Variants in OSBPL10 observed in about 807,000 individuals in gnomAD.
The protein encoded by OSBPL10 is oxysterol binding protein like 10, also known as oxysterol-binding protein-related protein 10.
Under a neutral mutation model 81.7 loss-of-function variants are expected in OSBPL10, and 49 were observed. The ratio of observed to expected loss-of-function variants is 0.60; its 90% confidence interval spans 0.48 to 0.76. The LOEUF is 0.76. Ranked by LOEUF, OSBPL10 falls within the 30% of genes least tolerant of loss-of-function variation. The pLI is 0.00. For missense variants in OSBPL10, 923 were observed against 987.8 expected (o/e 0.93, Z 0.88); for synonymous variants, 419 against 383.6 (o/e 1.09, Z -1.08).
At chr3:31,801,358 G>C (rs1448423072) in intron 4 of OSBPL10, among the ~76,000 whole-genome samples, 1 of 152,136 alleles carries the variant, frequency 6.6e-6, no homozygotes, top group Non-Finnish European at 1.5e-5. Context: ...TGACTAGACG[G>C]GAAAAGTCTC....
intron 4 of OSBPL10, among the ~76,000 whole-genome samples, chr3:31,808,049 T>C (rs1052236326): frequency 1.3e-5 from 2 of 152,172 alleles, no homozygotes; most frequent in Admixed American, 1.3e-4. Context: ...ACTACTTCTA[T>C]CCCGATTTTG....
upstream of OSBPL10, chr3:32,077,686 GGAA>G (rs1314308115): frequency 6.6e-6 from 1 of 152,196 alleles, no homozygotes; most frequent in African/African-American, 2.4e-5. Flanking sequence ...CCACACTAAC[GGAA>G]GAATCATGGG....
At chr3:31,724,419 T>C (rs929213023) in intron 6 of OSBPL10, among the ~76,000 whole-genome samples, 2 of 152,056 alleles carry the variant, frequency 1.3e-5, no homozygotes, top group Admixed American at 6.6e-5. Context: ...TGAACACTCC[T>C]AAGGCCGCTC....
intron 3 of OSBPL10, among the ~76,000 whole-genome samples, chr3:31,837,588 G>A (rs1235935420): frequency 6.7e-6 from 1 of 148,764 alleles, no homozygotes; most frequent in East Asian, 2.0e-4. Context: ...CTGTTTCCTG[G>A]AAGCACTAGC....
intron 2 of OSBPL10, among the ~76,000 whole-genome samples, chr3:32,039,904 C>T (rs577839869): frequency 1.3e-5 from 2 of 152,070 alleles, no homozygotes; most frequent in African/African-American, 2.4e-5. Context: ...GTCTCACTCA[C>T]GGATAGGTGT....
intron 1 of OSBPL10, among the ~76,000 whole-genome samples, chr3:31,967,150 G>C (rs1269702726): frequency 6.6e-6 from 1 of 151,362 alleles, no homozygotes; most frequent in East Asian, 1.9e-4. Flanking sequence ...CAAAACCAAG[G>C]TCAGGAAAAA....
intron 1 of OSBPL10, among the ~76,000 whole-genome samples, chr3:31,899,199 C>T (rs1696156765): frequency 6.6e-6 from 1 of 151,846 alleles, no homozygotes. Flanking sequence ...ATCTCGGCCT[C>T]CCAAAGTGCT....
rs1460651989 is a variant in OSBPL10, at chr3:31,747,964, A to G, written c.886T>C (p.Leu296=). The change falls in exon 5 of 12, where the codon TTA becomes CTA. Residue 296 remains leucine (L), a synonymous_variant. Coordinates refer to ENST00000396556, the MANE Select transcript of OSBPL10 (RefSeq NM_017784.5). ...CCCGCCTGGTGCACACTCTGCTGTA[A>G]CAAGTTGAGGCACTCCCCAAGGCAG... ...LSCLGECLNL[L]QQSVHQAGQP... 4 of 1,614,140 alleles carry G rather than the reference A, an allele frequency of 2.5e-6. No individual in the cohort carries two copies. Among genetic ancestry groups the G allele is most frequent in the Non-Finnish European group, 3.4e-6 (4 of 1,180,030 alleles).
intron 10 of OSBPL10, among the ~76,000 whole-genome samples, chr3:31,664,855 T>C (rs1436483344): frequency 2.0e-5 from 3 of 152,138 alleles, no homozygotes; most frequent in Non-Finnish European, 4.4e-5. Flanking sequence ...ACAAAGCCAT[T>C]TCTCTGCTTC....
At chr3:31,789,823 C>T (rs895036854) in intron 4 of OSBPL10, among the ~76,000 whole-genome samples, 4 of 152,144 alleles carry the variant, frequency 2.6e-5, no homozygotes, top group African/African-American at 9.7e-5. Context: ...CTGGACTATG[C>T]ACCAAAAATA....
At chr3:31,939,456 T>TAA (rs1191637557) in intron 1 of OSBPL10, among the ~76,000 whole-genome samples, 7 of 141,366 alleles carry the variant, frequency 5.0e-5, no homozygotes, top group African/African-American at 1.0e-4. Context: ...TCTTTCATCT[T>TAA]AAAAAAAAAA....
intron 6 of OSBPL10, among the ~76,000 whole-genome samples, chr3:31,719,392 A>G (rs1330303327): frequency 6.6e-6 from 1 of 152,224 alleles, no homozygotes; most frequent in East Asian, 1.9e-4. Context: ...CAGTAACCCA[A>G]TTGAAAAATA....
chr3:31,922,141 G>C (rs536139797), intron 1 of OSBPL10, among the ~76,000 whole-genome samples: 1 of 152,148 alleles, frequency 6.6e-6, no homozygotes. Flanking sequence ...AGGGATCCTA[G>C]AACAGAAAAG....
intron 6 of OSBPL10, chr3:31,709,321 G>A (rs1281010398): frequency 6.6e-6 from 1 of 152,240 alleles, no homozygotes; most frequent in East Asian, 1.9e-4. Context: ...TGCTCTTCCT[G>A]AGCAAAGGGG....
In OSBPL10 at chr3:31,664,437, C is replaced by G; in HGVS notation, c.2097-205G>C. The G allele has an allele frequency of 3.0e-5, 18 of 600,500 alleles. No individual in the cohort carries two copies. The South Asian group carries it at 3.6e-4, about 12-fold the overall frequency. 37.2% of individuals were successfully genotyped at this position (600,500 alleles called of 1,614,324 possible). ...CCACCTCTGTGTTGTTTCTACTCTCCGCTTGTACCAGGCAGCATGCCTTTC... is the reference window on the plus strand; with the variant it reads ...CCACCTCTGTGTTGTTTCTACTCTCGGCTTGTACCAGGCAGCATGCCTTTC... On this transcript the variant is annotated intron_variant, in intron 10 of 11. Coordinates refer to ENST00000396556, the MANE Select transcript of OSBPL10 (RefSeq NM_017784.5).
intron 1 of OSBPL10, among the ~76,000 whole-genome samples, chr3:32,076,814 G>A (rs1699881153): frequency 6.6e-6 from 1 of 152,060 alleles, no homozygotes; most frequent in Non-Finnish European, 1.5e-5. Context: ...GAGCCAAGCT[G>A]TCCTCTTGTG....
chr3:31,990,605 C>T (rs955701147), intron 2 of OSBPL10: 5 of 1,614,088 alleles, frequency 3.1e-6, no homozygotes, highest in Non-Finnish European at 2.5e-6. Flanking sequence ...GGAGAGAAAC[C>T]TTACAAGTGT....
At chr3:31,959,895 T>G (rs1698110831) in intron 1 of OSBPL10, among the ~76,000 whole-genome samples, 1 of 152,190 alleles carries the variant, frequency 6.6e-6, no homozygotes, top group Non-Finnish European at 1.5e-5. Context: ...TTTGGTTTAT[T>G]GTGAAAAACA....
chr3:31,931,693 C>A (rs756517308), intron 1 of OSBPL10, among the ~76,000 whole-genome samples: 13 of 152,218 alleles, frequency 8.5e-5, no homozygotes, highest in Non-Finnish European at 1.9e-4. Flanking sequence ...TCTTTTTATT[C>A]TCAAAACTCT....
Sources: gnomAD v4.1 joint callset for allele counts (sites outside exome capture counted in the v4.1 genomes callset) on GRCh38, gnomAD v4.1.1 for gene constraint, MANE v1.5 for transcripts, NCBI Gene and HGNC (gene_info 2026-07-23, HGNC 2026-07-21) for gene names.